The following SHROOM3 variants were observed in gnomAD, a reference collection of about 807,000 sequenced individuals.
SHROOM3 encodes the protein shroom family member 3, also known as protein Shroom3.
A neutral mutation model predicts 138.6 loss-of-function variants in SHROOM3; 47 were observed. The observed-to-expected ratio is 0.34, with a 90% CI of 0.27 to 0.43. The LOEUF (loss-of-function observed/expected upper bound fraction) is 0.43. SHROOM3 is among the 20% of genes least tolerant of loss of function. SHROOM3 has a pLI of 1.00. For missense variants in SHROOM3, 2,491 were observed against 2,596.5 expected (o/e 0.96, Z 0.88); for synonymous variants, 1,062 against 1,063.3 (o/e 1.00, Z 0.02).
intron 1 of SHROOM3, among the ~76,000 whole-genome samples, chr4:76,520,011 T>G (rs1732529650): frequency 6.6e-6 from 1 of 152,212 alleles, no homozygotes; most frequent in South Asian, 2.1e-4. Context: ...TAGCTTCTTT[T>G]AGGTCATCTA....
chr4:76,541,366 T>C (rs531457662), intron 1 of SHROOM3, among the ~76,000 whole-genome samples: 1 of 152,234 alleles, frequency 6.6e-6, no homozygotes, highest in African/African-American at 2.4e-5. Flanking sequence ...TTAAAGAAAA[T>C]TTTTAAAATT....
At chr4:76,608,677 A>G (rs1577916274) in intron 2 of SHROOM3, among the ~76,000 whole-genome samples, 1 of 31,062 alleles carries the variant, frequency 3.2e-5, no homozygotes, top group African/African-American at 8.0e-5. Flanking sequence ...ACAGCATAGC[A>G]CAGCACAGCA....
At chr4:76,600,986 C>G (rs1452369173) in intron 2 of SHROOM3, among the ~76,000 whole-genome samples, 1 of 152,146 alleles carries the variant, frequency 6.6e-6, no homozygotes, top group African/African-American at 2.4e-5. Context: ...TTATACTACT[C>G]TAAAATCTAT....
chr4:76,688,854 G>A, intron 2 of SHROOM3: 2 of 985,170 alleles, frequency 2.0e-6, no homozygotes, highest in Non-Finnish European at 2.4e-6. Context: ...AACAGGCCCG[G>A]AAGGAAGGCT....
At chr4:76,586,222 G>C (rs1734149773) in intron 2 of SHROOM3, 1 of 983,720 alleles carries the variant, frequency 1.0e-6, no homozygotes, top group Non-Finnish European at 1.2e-6. Context: ...TTTTGTGTTT[G>C]GCTAATCAGG....
At chr4:76,442,119 A>G (rs1730704457) in intron 1 of SHROOM3, among the ~76,000 whole-genome samples, 1 of 152,234 alleles carries the variant, frequency 6.6e-6, no homozygotes, top group Non-Finnish European at 1.5e-5. Flanking sequence ...TTAAGGCCAG[A>G]TGGGTTTTAC....
chr4:76,615,697 G>A (rs548004898), intron 2 of SHROOM3, among the ~76,000 whole-genome samples: 7 of 152,208 alleles, frequency 4.6e-5, no homozygotes, highest in South Asian at 2.1e-4. Context: ...CTGGAAAGTC[G>A]GAAGCACCTC....
At chr4:76,635,005 T>C (rs1444725894) in intron 2 of SHROOM3, among the ~76,000 whole-genome samples, 2 of 152,182 alleles carry the variant, frequency 1.3e-5, no homozygotes, top group Non-Finnish European at 2.9e-5. Flanking sequence ...ATTGAGCACC[T>C]ACTGTGTGTT....
chr4:76,518,512 T>TTTCC (rs71212428), intron 1 of SHROOM3, among the ~76,000 whole-genome samples: 145,787 of 147,530 alleles, frequency 0.99, 72,041 homozygotes, highest in Non-Finnish European at 1. Context: ...TCCTTCCTTC[T>TTTCC]TTCCTTCCTT....
chr4:76,754,582 T>C lies in SHROOM3; in HGVS notation c.4099T>C (p.Cys1367Arg). Residue 1367 changes from cysteine to arginine, a missense_variant, in exon 7 of 11, where the codon TGC becomes CGC. Coordinates refer to ENST00000296043, the MANE Select transcript of SHROOM3 (RefSeq NM_020859.4). ...GCCTTCAGCCATTCCCTCTGGCTAC[T>C]GCTCACAGGACGGTCAGACAGGGCG... Reference protein sequence around the residue: ...PLPSAIPSGYCSQDGQTGRQP... With the variant: ...PLPSAIPSGYRSQDGQTGRQP... 1 of 1,614,148 alleles carries C rather than the reference T, an allele frequency of 6.2e-7. No homozygotes were observed. Among genetic ancestry groups the C allele is most frequent in the South Asian group, 1.1e-5 (1 of 91,076 alleles).
chr4:76,761,019 A>ATT (rs1228539820), intron 9 of SHROOM3, among the ~76,000 whole-genome samples: 2 of 151,900 alleles, frequency 1.3e-5, no homozygotes, highest in African/African-American at 2.4e-5. Flanking sequence ...CCCTATCTTA[A>ATT]TTTTTAAGTG....
intron 2 of SHROOM3, among the ~76,000 whole-genome samples, chr4:76,621,966 G>A (rs1021657075): frequency 2.6e-5 from 4 of 152,028 alleles, no homozygotes; most frequent in Admixed American, 2.0e-4. Flanking sequence ...AAGTATCTGG[G>A]ATTACAGGCA....
intron 2 of SHROOM3, among the ~76,000 whole-genome samples, chr4:76,565,399 G>A (rs965938039): frequency 8.6e-5 from 13 of 152,042 alleles, no homozygotes; most frequent in Admixed American, 3.3e-4. Flanking sequence ...TTCTTAAATT[G>A]GGCTACACAT....
intron 1 of SHROOM3, among the ~76,000 whole-genome samples, chr4:76,534,797 C>A (rs1732915708): frequency 6.6e-6 from 1 of 152,102 alleles, no homozygotes; most frequent in African/African-American, 2.4e-5. Flanking sequence ...GAAGGCTAAC[C>A]CCTGCAGGCT....
intron 2 of SHROOM3, among the ~76,000 whole-genome samples, chr4:76,561,088 T>C (rs1319294114): frequency 6.6e-6 from 1 of 152,206 alleles, no homozygotes; most frequent in African/African-American, 2.4e-5. Context: ...AAATTATCTT[T>C]CTGGGCATCA....
chr4:76,738,026 C>T (rs1379193877), intron 4 of SHROOM3, among the ~76,000 whole-genome samples: 1 of 152,166 alleles, frequency 6.6e-6, no homozygotes, highest in East Asian at 1.9e-4. Context: ...TATGAGGAGG[C>T]TTTGCTTTGG....
intron 2 of SHROOM3, among the ~76,000 whole-genome samples, chr4:76,565,319 T>G (rs1733700459): frequency 6.6e-6 from 1 of 152,210 alleles, no homozygotes; most frequent in African/African-American, 2.4e-5. Context: ...TTTGGATGAG[T>G]CCCATTTAGA....
chr4:76,710,011 A>G, intron 2 of SHROOM3, 145 bp from the exon 3 acceptor site: 1 of 987,164 alleles, frequency 1.0e-6, no homozygotes, highest in Non-Finnish European at 1.6e-6. Flanking sequence ...TGTTAGGTGC[A>G]GGCTTAGAAC....
At chr4:76,688,925 T>C (rs998017513) in intron 2 of SHROOM3, 171 of 983,062 alleles carry the variant, frequency 1.7e-4, no homozygotes, top group South Asian at 3.8e-4. Flanking sequence ...GAGGGCATGC[T>C]GAGAAAAAGG....
Sources: allele counts gnomAD v4.1 joint callset (sites outside exome capture counted in the v4.1 genomes callset), GRCh38; gene constraint gnomAD v4.1.1; transcripts MANE v1.5; gene names NCBI Gene and HGNC (gene_info 2026-07-23, HGNC 2026-07-21).